The following SIK3 variants were observed in gnomAD, a reference collection of about 807,000 sequenced individuals.
The protein encoded by SIK3 is serine/threonine-protein kinase SIK3.
SIK3 carries 28 observed loss-of-function variants against 144.2 expected under a neutral mutation model. That is an observed-to-expected ratio of 0.19 (90% CI 0.14 to 0.27). The LOEUF (loss-of-function observed/expected upper bound fraction) is 0.27. Among genes scored for constraint, SIK3 ranks in the 10% least tolerant of loss-of-function variants. The pLI, the probability that SIK3 is intolerant of heterozygous loss-of-function variation, is 1.00. For missense variants in SIK3, 1,319 were observed against 1,776.0 expected (o/e 0.74, Z 4.62); for synonymous variants, 686 against 676.3 (o/e 1.01, Z -0.22).
In SIK3 at chr11:117,089,822, A is replaced by G. The variant is rs574310808; in HGVS notation, c.273+8321T>C. 2.0e-5 allele frequency among the ~76,000 whole-genome samples: 3 copies of G among 152,348 alleles called. No homozygotes were observed. The East Asian group carries it at 5.8e-4, about 29-fold the overall frequency. On this transcript the variant is annotated intron_variant, in intron 1 of 24. Transcript: ENST00000445177. Reference sequence around the variant, plus strand: ...CACAGACAAGCTTCAACAGGCAATGAGTCTGCTTCTCTTTCCGTTTCAACT... The same window carrying G: ...CACAGACAAGCTTCAACAGGCAATGGGTCTGCTTCTCTTTCCGTTTCAACT...
At chr11:116,868,173 G>C (rs1943755295) in intron 14 of SIK3, 84 bp from the exon 15 acceptor site, 4 of 1,517,476 alleles carry the variant, frequency 2.6e-6, no homozygotes, top group Non-Finnish European at 3.6e-6. Context: ...TTAATCCAAA[G>C]CACTCAATGA....
At chr11:116,894,543 T>C (rs1418060563) in intron 6 of SIK3, among the ~76,000 whole-genome samples, 1 of 152,162 alleles carries the variant, frequency 6.6e-6, no homozygotes, top group African/African-American at 2.4e-5. Context: ...TCATATCAAA[T>C]CCAACACTAA....
At position 116,849,286 on chromosome 11, in the gene SIK3, G is replaced by A. The variant is rs1489813696; in HGVS notation, c.3656-3C>T. 15 of 1,614,118 alleles carry A rather than the reference G, an allele frequency of 9.3e-6. No individual in the cohort carries two copies. The highest frequency in any genetic ancestry group is 2.2e-5 in the East Asian group (1 of 44,884). The stretch of plus-strand genomic sequence containing the variant: ...CATGCAGTTCCCTATGACAGGCTCT[G>A]AGGAGACACAGCAGAATAGAGTCAG... On this transcript the variant is annotated splice_region_variant and splice_polypyrimidine_tract_variant and intron_variant, in intron 21 of 24. Coordinates refer to ENST00000445177, the MANE Select transcript of SIK3 (RefSeq NM_001366686.3). The surrounding 1 kb of genome is among the most constrained non-coding windows in gnomAD (Gnocchi z 4.2).
intron 1 of SIK3, among the ~76,000 whole-genome samples, chr11:116,961,078 C>T (rs1949332066): frequency 6.6e-6 from 1 of 152,198 alleles, no homozygotes; most frequent in Admixed American, 6.5e-5. Flanking sequence ...AAACGCATTC[C>T]ATTCAGGAAA....
intron 13 of SIK3, 39 bp downstream of exon 13, chr11:116,873,442 C>G (rs1034867717): frequency 1.9e-6 from 3 of 1,613,830 alleles, no homozygotes; most frequent in African/African-American, 1.3e-5. Flanking sequence ...TTATCAAAAG[C>G]CTCTGAGACA....
intron 11 of SIK3, 84 bp from the exon 12 acceptor site, chr11:116,874,140 T>A: frequency 7.7e-7 from 1 of 1,296,678 alleles, no homozygotes; most frequent in Non-Finnish European, 1.1e-6. Flanking sequence ...GGCATTGCTA[T>A]GTTCAGTACA....
At chr11:116,999,625 G>A (rs994578430) in intron 1 of SIK3, among the ~76,000 whole-genome samples, 1 of 151,722 alleles carries the variant, frequency 6.6e-6, no homozygotes, top group Non-Finnish European at 1.5e-5. Flanking sequence ...GTAGAGATGG[G>A]GTTTCACCAG....
chr11:117,090,980 A>T (rs572354173), intron 1 of SIK3, among the ~76,000 whole-genome samples: 21 of 152,324 alleles, frequency 1.4e-4, no homozygotes, highest in African/African-American at 5.1e-4. Flanking sequence ...CCAGTAAAAA[A>T]GCAAGTGCTC....
At chr11:116,850,029 T>C (rs1942305673) in intron 21 of SIK3, among the ~76,000 whole-genome samples, 1 of 152,178 alleles carries the variant, frequency 6.6e-6, no homozygotes, top group Admixed American at 6.5e-5. Flanking sequence ...GACATTGTCG[T>C]TTTGATGCCT....
intron 1 of SIK3, among the ~76,000 whole-genome samples, chr11:116,992,195 G>A (rs1195151220): frequency 6.6e-6 from 1 of 151,538 alleles, no homozygotes; most frequent in Non-Finnish European, 1.5e-5. Flanking sequence ...CGTGGTGGTG[G>A]GCGCCTATAA....
chr11:117,063,629 A>T (rs1171524268), intron 1 of SIK3, among the ~76,000 whole-genome samples: 1 of 146,064 alleles, frequency 6.8e-6, no homozygotes, highest in Non-Finnish European at 1.5e-5. Flanking sequence ...CCTGTTGCCC[A>T]GGCTGGAGTG....
intron 7 of SIK3, among the ~76,000 whole-genome samples, chr11:116,876,645 C>T (rs1944272563): frequency 6.6e-6 from 1 of 152,224 alleles, no homozygotes; most frequent in South Asian, 2.1e-4. Flanking sequence ...AAGGCGACAT[C>T]CCCATGGTAG....
Position 116,843,574 on chromosome 11 carries a change from T to C in SIK3, c.*2069A>G, listed in dbSNP as rs576348606. 1 of 152,342 alleles carries C rather than the reference T, an allele frequency of 6.6e-6. No homozygotes were observed. The highest frequency in any genetic ancestry group is 1.9e-4 in the East Asian group (1 of 5,186). 9.4% of individuals were successfully genotyped at this position (152,342 alleles called of 1,614,324 possible). Reference sequence around the variant, plus strand: ...CTACAATACAAAGCAATGAGTTTTTTTTAAAGTGTAGTTTGCAAGATGGCA... The same window carrying C: ...CTACAATACAAAGCAATGAGTTTTTCTTAAAGTGTAGTTTGCAAGATGGCA... On this transcript the variant is annotated 3_prime_UTR_variant, in exon 25 of 25. Coordinates refer to ENST00000445177, the MANE Select transcript of SIK3 (RefSeq NM_001366686.3).
intron 13 of SIK3, among the ~76,000 whole-genome samples, chr11:116,873,233 G>A (rs764697312): frequency 1.2e-4 from 18 of 152,318 alleles, no homozygotes; most frequent in South Asian, 2.1e-4. Context: ...ACCTGTGAGC[G>A]CCCATTGAGG....
chr11:116,918,584 A>G (rs995302838), intron 4 of SIK3, among the ~76,000 whole-genome samples: 1 of 152,156 alleles, frequency 6.6e-6, no homozygotes, highest in African/African-American at 2.4e-5. Flanking sequence ...ACTCTGCACA[A>G]ACTAGAAGTG....
chr11:116,949,093 T>C (rs1466576738), intron 3 of SIK3, among the ~76,000 whole-genome samples: 1 of 151,368 alleles, frequency 6.6e-6, no homozygotes, highest in South Asian at 2.1e-4. Context: ...ACTCATGATA[T>C]GCAGCCAAAG....
chr11:116,847,599 C>A lies in SIK3; in HGVS notation c.3829G>T (p.Asp1277Tyr). 1.2e-6 allele frequency: 2 copies of A among 1,614,156 alleles called. No individual in the cohort carries two copies. The highest frequency in any genetic ancestry group is 1.7e-6 in the Non-Finnish European group (2 of 1,180,034). The change falls in exon 23 of 25, where the codon GAT becomes TAT. Residue 1277 changes from aspartate (D) to tyrosine (Y), a missense_variant. Around this residue, in one of 8 missense-constraint regions of SIK3, gnomAD observed 646 missense variants for 763.7 expected, o/e 0.85. Transcript: ENST00000445177. ...ACGAGACTCATTCCTGGCAAGTTAT[C>A]CAGCTGTACCTGCAGAAAACAGTTA... Reference protein sequence around the residue: ...QNSDDAYVQLDNLPGMSLVAG... With the variant: ...QNSDDAYVQLYNLPGMSLVAG...
chr11:116,922,756 T>C (rs557334818), intron 4 of SIK3, among the ~76,000 whole-genome samples: 1 of 152,220 alleles, frequency 6.6e-6, no homozygotes, highest in East Asian at 1.9e-4. Flanking sequence ...ATTATTTTCA[T>C]TAAAATCACT....
intron 1 of SIK3, among the ~76,000 whole-genome samples, chr11:117,038,177 G>C (rs1565583063): frequency 6.6e-6 from 1 of 151,972 alleles, no homozygotes; most frequent in East Asian, 1.9e-4. Flanking sequence ...ACCTGCCTTG[G>C]CCTAAGGAAG....
Sources: allele counts gnomAD v4.1 joint callset (sites outside exome capture counted in the v4.1 genomes callset), GRCh38; gene constraint gnomAD v4.1.1; regional missense constraint gnomAD v4.1.1; non-coding constraint Gnocchi (gnomAD v3.1); transcripts MANE v1.5; gene names NCBI Gene and HGNC (gene_info 2026-07-23, HGNC 2026-07-21).